The following MAPRE3 variants were observed in gnomAD, a reference collection of about 807,000 sequenced individuals.
The protein encoded by MAPRE3 is microtubule associated protein RP/EB family member 3, also known as microtubule-associated protein RP/EB family member 3.
A neutral mutation model predicts 30.5 loss-of-function variants in MAPRE3; 2 were observed. That is an observed-to-expected ratio of 0.07 (90% CI 0.03 to 0.21). The LOEUF (loss-of-function observed/expected upper bound fraction) is 0.21, where lower values mean the gene tolerates loss of function less well. Among genes scored for constraint, MAPRE3 ranks in the 10% least tolerant of loss-of-function variants. The pLI is 1.00. For synonymous variants in MAPRE3, 110 were observed against 127.7 expected (o/e 0.86, Z 0.93); for missense variants, 204 against 351.8 (o/e 0.58, Z 3.36).
chr2:26,972,941 T>G (rs1665943104), intron 1 of MAPRE3, among the ~76,000 whole-genome samples: 1 of 152,226 alleles, frequency 6.6e-6, no homozygotes, highest in Non-Finnish European at 1.5e-5. Context: ...ATACATTGCC[T>G]ATCCAGCTGT....
At chr2:26,983,606 T>C (rs714513) in intron 1 of MAPRE3, among the ~76,000 whole-genome samples, 78,955 of 152,098 alleles carry the variant, frequency 0.52, 22,055 homozygotes, top group East Asian at 0.76. Context: ...TGTACCTTTA[T>C]CTTTAAAATT....
intron 1 of MAPRE3, among the ~76,000 whole-genome samples, chr2:26,991,016 G>A (rs187211741): frequency 2.3e-4 from 35 of 152,332 alleles, no homozygotes; most frequent in Middle Eastern, 3.4e-3. Context: ...CACTTTGGGA[G>A]GCCGAGGCGG....
intron 1 of MAPRE3, among the ~76,000 whole-genome samples, chr2:26,988,104 C>T (rs1159890836): frequency 1.3e-5 from 2 of 152,200 alleles, no homozygotes; most frequent in Non-Finnish European, 2.9e-5. Context: ...CTGCTGGAGG[C>T]CAGGTTCTAA....
At chr2:27,004,536 C>G (rs553356264) in intron 1 of MAPRE3, among the ~76,000 whole-genome samples, 2 of 152,088 alleles carry the variant, frequency 1.3e-5, no homozygotes, top group South Asian at 4.2e-4. Context: ...TTTTCCACGT[C>G]GAAATACATT....
At chr2:27,018,351 C>T (rs939982806) in intron 1 of MAPRE3, among the ~76,000 whole-genome samples, 2 of 152,154 alleles carry the variant, frequency 1.3e-5, no homozygotes, top group Admixed American at 1.3e-4. Flanking sequence ...ATAGCTGGTG[C>T]CCTCTGCACC....
intron 1 of MAPRE3, among the ~76,000 whole-genome samples, chr2:26,981,882 C>T (rs932330511): frequency 1.3e-5 from 2 of 152,174 alleles, no homozygotes; most frequent in Non-Finnish European, 1.5e-5. Flanking sequence ...TGTGCTGTTG[C>T]GTGAGTCTGG....
At chr2:27,020,303 G>A (rs900659462) in intron 1 of MAPRE3, among the ~76,000 whole-genome samples, 4 of 152,280 alleles carry the variant, frequency 2.6e-5, no homozygotes, top group Middle Eastern at 3.4e-3. Flanking sequence ...TATTCTTTCT[G>A]TAAGAATATA....
chr2:27,022,859 C>G (rs1013323819), intron 2 of MAPRE3: 2 of 165,556 alleles, frequency 1.2e-5, no homozygotes, highest in African/African-American at 4.8e-5. Flanking sequence ...GAAATGGAAG[C>G]AGGGAAAGAG....
In MAPRE3 at chr2:26,986,886, T is replaced by C. The variant is rs1666234956; in HGVS notation, c.-8+16084T>C. 6.6e-6 allele frequency: 1 copy of C among 152,272 alleles called. No individual in the cohort carries two copies. Among genetic ancestry groups the C allele is most frequent in the African/African-American group, 2.4e-5 (1 of 41,346 alleles). The allele number at this position is 152,272 out of a possible 1,614,324, so 9.4% of individuals were successfully genotyped here. On this transcript the variant is annotated intron_variant, in intron 1 of 6. Coordinates refer to ENST00000233121, the MANE Select transcript of MAPRE3 (RefSeq NM_012326.4). This position sits in a 1 kb window ranked among gnomAD's most constrained non-coding sequence, Gnocchi z 4.2. Reference sequence around the variant, plus strand: ...GGGCTGTGGGAGATGCTATGGAAGATGGAAATGGTGCTTGTGGAGTGTTGG... The same window carrying C: ...GGGCTGTGGGAGATGCTATGGAAGACGGAAATGGTGCTTGTGGAGTGTTGG...
chr2:26,994,074 CATG>C (rs1326426282), intron 1 of MAPRE3, among the ~76,000 whole-genome samples: 4 of 152,164 alleles, frequency 2.6e-5, no homozygotes, highest in African/African-American at 9.7e-5. Context: ...TTGAAAGAAA[CATG>C]ATAATAATCT....
intron 1 of MAPRE3, among the ~76,000 whole-genome samples, chr2:27,019,530 C>T (rs936455768): frequency 5.9e-5 from 9 of 152,280 alleles, no homozygotes; most frequent in African/African-American, 1.9e-4. Flanking sequence ...ACATGGGGCG[C>T]AGGCATTTAA....
intron 1 of MAPRE3, among the ~76,000 whole-genome samples, chr2:26,991,126 C>T (rs1467040888): frequency 6.6e-5 from 10 of 152,082 alleles, no homozygotes; most frequent in African/African-American, 1.9e-4. Flanking sequence ...TGGTGGTGGG[C>T]GCCTGTAGTC....
intron 1 of MAPRE3, among the ~76,000 whole-genome samples, chr2:26,982,898 G>A (rs750156972): frequency 1.3e-5 from 2 of 152,086 alleles, no homozygotes; most frequent in African/African-American, 2.4e-5. Context: ...AGTAACTAAC[G>A]AAAAAGCCCT....
At chr2:27,007,876 ACTATT>A (rs1323112269) in intron 1 of MAPRE3, among the ~76,000 whole-genome samples, 1 of 152,250 alleles carries the variant, frequency 6.6e-6, no homozygotes, top group East Asian at 1.9e-4. Context: ...TCAGAGAATG[ACTATT>A]CTATTTATGA....
intron 1 of MAPRE3, among the ~76,000 whole-genome samples, chr2:26,993,835 T>C (rs909060017): frequency 6.6e-6 from 1 of 152,180 alleles, no homozygotes; most frequent in East Asian, 1.9e-4. Context: ...GCCATGACCA[T>C]TGATTGTGTC....
intron 1 of MAPRE3, among the ~76,000 whole-genome samples, chr2:27,010,943 A>C (rs1572764346): frequency 6.6e-6 from 1 of 152,078 alleles, no homozygotes; most frequent in South Asian, 2.1e-4. Context: ...TGCTGTCCCC[A>C]TACTCCAACA....
At chr2:27,007,808 C>T (rs1055120073) in intron 1 of MAPRE3, among the ~76,000 whole-genome samples, 1 of 152,162 alleles carries the variant, frequency 6.6e-6, no homozygotes, top group Admixed American at 6.5e-5. Flanking sequence ...TACATATCTA[C>T]AACTGTAAAA....
intron 1 of MAPRE3, among the ~76,000 whole-genome samples, chr2:26,980,472 C>A (rs1666091449): frequency 6.6e-6 from 1 of 152,210 alleles, no homozygotes; most frequent in Non-Finnish European, 1.5e-5. Flanking sequence ...CATCTGCAGA[C>A]TTCTCTATAT....
intron 1 of MAPRE3, among the ~76,000 whole-genome samples, chr2:27,003,779 C>G (rs1558380042): frequency 6.6e-6 from 1 of 152,150 alleles, no homozygotes; most frequent in Non-Finnish European, 1.5e-5. Flanking sequence ...ATCACAGTCC[C>G]CATCCCCTTC....
Sources: gnomAD v4.1 joint callset for allele counts (sites outside exome capture counted in the v4.1 genomes callset) on GRCh38, gnomAD v4.1.1 for gene constraint, Gnocchi (gnomAD v3.1) non-coding constraint, MANE v1.5 for transcripts, NCBI Gene and HGNC (gene_info 2026-07-23, HGNC 2026-07-21) for gene names.